XXYLT1: variants seen among roughly 807,000 people sequenced by gnomAD.
XXYLT1 encodes xyloside xylosyltransferase 1, also known as UDP-xylose:alpha-xyloside alpha-1,3-xylosyltransferase.
A neutral mutation model predicts 28.9 loss-of-function variants in XXYLT1; 20 were observed. The observed-to-expected ratio is 0.69, with a 90% CI of 0.49 to 1.00. XXYLT1 has a LOEUF of 1.00. XXYLT1 is among the 50% of genes least tolerant of loss of function. XXYLT1 has a pLI of 0.00. For synonymous variants in XXYLT1, 257 were observed against 253.8 expected, an observed-to-expected ratio of 1.01 and a Z score of -0.12; for missense variants, 542 against 560.1, an observed-to-expected ratio of 0.97 and a Z score of 0.33.
intron 3 of XXYLT1, among the ~76,000 whole-genome samples, chr3:195,098,661 T>C (rs28535132): frequency 0.17 from 25,446 of 152,282 alleles, 2,345 homozygotes; most frequent in South Asian, 0.3. Flanking sequence ...CTTGATGCTG[T>C]CAAGGTCTCG....
At chr3:195,184,844 C>T (rs932087593) in intron 2 of XXYLT1, 102 of 982,292 alleles carry the variant, frequency 1.0e-4, no homozygotes, top group Non-Finnish European at 1.2e-4. Flanking sequence ...CATTCTCATT[C>T]ATCTTTACCA....
intron 3 of XXYLT1, among the ~76,000 whole-genome samples, chr3:195,147,171 T>C (rs776012821): frequency 2.0e-5 from 3 of 152,288 alleles, no homozygotes; most frequent in Non-Finnish European, 2.9e-5. Flanking sequence ...ATCTACCCTA[T>C]CTCCCTCACG....
chr3:195,144,067 T>C (rs1201273463), intron 3 of XXYLT1, among the ~76,000 whole-genome samples: 1 of 148,824 alleles, frequency 6.7e-6, no homozygotes, highest in African/African-American at 2.5e-5. Context: ...CTGATTTTTG[T>C]ATTTTTATTA....
chr3:195,075,389 G>A (rs1370939738), intron 3 of XXYLT1, among the ~76,000 whole-genome samples: 1 of 152,248 alleles, frequency 6.6e-6, no homozygotes, highest in Non-Finnish European at 1.5e-5. Context: ...GTGCAGATGA[G>A]GAAGCTGAGG....
intron 2 of XXYLT1, among the ~76,000 whole-genome samples, chr3:195,200,127 C>G (rs917237789): frequency 6.6e-6 from 1 of 152,216 alleles, no homozygotes; most frequent in Non-Finnish European, 1.5e-5. Flanking sequence ...TGGAACCTGC[C>G]ATTTAGGGGA....
rs1560117338 is a variant in XXYLT1, at chr3:195,143,877, T to TAG, written c.785+12571_785+12572insCT. Among the ~76,000 whole-genome samples the TAG allele has an allele frequency of 3.2e-4, 41 of 127,482 alleles. 5 individuals carry two copies. Among genetic ancestry groups the TAG allele is most frequent in the African/African-American group, 1.2e-3 (40 of 33,520 alleles). 83.6% of individuals were successfully genotyped at this position (127,482 alleles called of 152,430 possible). On this transcript the variant is annotated intron_variant, in intron 3 of 3. Coordinates refer to ENST00000310380, the MANE Select transcript of XXYLT1 (RefSeq NM_152531.5). ...ATAGATATATATAGATATAGATATA[T>TAG]ATATATATATATTTATTTTTTATTT...
chr3:195,125,926 G>A (rs1014508937), intron 3 of XXYLT1, among the ~76,000 whole-genome samples: 2 of 152,144 alleles, frequency 1.3e-5, no homozygotes, highest in African/African-American at 4.8e-5. Flanking sequence ...GAAGGTGCGG[G>A]CAGGAGCAGC....
intron 3 of XXYLT1, chr3:195,152,323 T>A (rs1156413163): frequency 4.6e-5 from 7 of 152,586 alleles, no homozygotes; most frequent in Non-Finnish European, 7.3e-5. Context: ...GGGGTTTAGC[T>A]CCTGATGAAG....
rs1717426660 is a variant in XXYLT1 at position 195,109,967 on chromosome 3, G to T, written c.786-39856C>A. 3.2e-5 allele frequency among the ~76,000 whole-genome samples: 2 copies of T among 62,902 alleles called. 1 individual carries two copies. The highest frequency in any genetic ancestry group is 9.7e-5 in the African/African-American group (2 of 20,528). 41.3% of individuals were successfully genotyped at this position (62,902 alleles called of 152,430 possible). A position where few individuals can be genotyped will look rare whatever the true frequency, so the allele number is the denominator to read the frequency against. On this transcript the variant is annotated intron_variant, in intron 3 of 3. Coordinates refer to ENST00000310380, the MANE Select transcript of XXYLT1 (RefSeq NM_152531.5). ...GAGTGTGCGTGCATGTGTGTGTGTTGTGTGTATGTGTGTGGGTGGGGGTGT... is the reference window on the plus strand; with the variant it reads ...GAGTGTGCGTGCATGTGTGTGTGTTTTGTGTATGTGTGTGGGTGGGGGTGT...
chr3:195,245,159 ATTTT>A (rs533706205), intron 1 of XXYLT1, among the ~76,000 whole-genome samples: 4 of 132,350 alleles, frequency 3.0e-5, no homozygotes, highest in Admixed American at 7.6e-5. Flanking sequence ...GCCCAAGAAA[ATTTT>A]TTTTTTTTTT....
At chr3:195,070,531 C>A (rs943752221) in intron 3 of XXYLT1, among the ~76,000 whole-genome samples, 2 of 152,174 alleles carry the variant, frequency 1.3e-5, no homozygotes, top group Non-Finnish European at 2.9e-5. Context: ...GGACTAAACC[C>A]AGACAATCTG....
intron 1 of XXYLT1, among the ~76,000 whole-genome samples, chr3:195,246,209 G>A (rs573138612): frequency 8.5e-5 from 13 of 152,238 alleles, no homozygotes; most frequent in East Asian, 1.9e-4. Flanking sequence ...TGACTCAGGC[G>A]CTCCTAACAG....
chr3:195,231,786 G>T, intron 1 of XXYLT1, among the ~76,000 whole-genome samples: 1 of 150,732 alleles, frequency 6.6e-6, no homozygotes. Flanking sequence ...TGCTGACTTT[G>T]GTTTGTTAGC....
intron 1 of XXYLT1, among the ~76,000 whole-genome samples, chr3:195,262,202 A>C (rs1034788323): frequency 1.3e-5 from 2 of 152,260 alleles, no homozygotes; most frequent in South Asian, 2.1e-4. Flanking sequence ...ATGAACCCTA[A>C]AAACACTAGG....
chr3:195,177,140 C>T (rs1454550224), intron 2 of XXYLT1, among the ~76,000 whole-genome samples: 1 of 152,238 alleles, frequency 6.6e-6, no homozygotes, highest in Non-Finnish European at 1.5e-5. Context: ...CTGTGGGCTT[C>T]CCAGGCTGTC....
chr3:195,130,110 T>G (rs1718830905), intron 3 of XXYLT1, among the ~76,000 whole-genome samples: 3 of 152,258 alleles, frequency 2.0e-5, no homozygotes, highest in African/African-American at 7.2e-5. Context: ...GCCATTTGAA[T>G]GTCTCTCCTG....
chr3:195,158,679 A>G (rs1381531311), intron 2 of XXYLT1, among the ~76,000 whole-genome samples: 1 of 152,222 alleles, frequency 6.6e-6, no homozygotes. Context: ...GATATAAAAC[A>G]ACTGAGATGG....
At chr3:195,183,130 C>T (rs1206353610) in intron 2 of XXYLT1, among the ~76,000 whole-genome samples, 1 of 152,170 alleles carries the variant, frequency 6.6e-6, no homozygotes, top group Non-Finnish European at 1.5e-5. Context: ...GTTTGGGGCT[C>T]TAAATTCATT....
At chr3:195,092,981 T>TACCATCTCACACCAGTTAGAA (rs768374274) in intron 3 of XXYLT1, among the ~76,000 whole-genome samples, 1,560 of 105,330 alleles carry the variant, frequency 0.015, 66 homozygotes, top group Middle Eastern at 0.039. Flanking sequence ...CACAGTGAGA[T>TACCATCTCACACCAGTTAGAA]ACCATCTCAC....
Sources: allele counts gnomAD v4.1 joint callset (sites outside exome capture counted in the v4.1 genomes callset), GRCh38; gene constraint gnomAD v4.1.1; transcripts MANE v1.5; gene names NCBI Gene and HGNC (gene_info 2026-07-23, HGNC 2026-07-21).